Variants in SPAG16 observed in about 807,000 individuals in gnomAD.
SPAG16 encodes sperm-associated antigen 16 protein.
Under a neutral mutation model 80.4 loss-of-function variants are expected in SPAG16, and 86 were observed. The observed-to-expected ratio is 1.07, with a 90% CI of 0.90 to 1.28. The LOEUF is 1.28. Among genes scored for constraint, SPAG16 ranks in the 50% most tolerant of loss-of-function variants. SPAG16 has a pLI of 0.00. For missense variants in SPAG16, 870 were observed against 765.3 expected (o/e 1.14, Z -1.61); for synonymous variants, 294 against 265.9 (o/e 1.11, Z -1.03).
intron 1 of SPAG16, among the ~76,000 whole-genome samples, chr2:213,295,556 T>C (rs1015644365): frequency 3.9e-5 from 6 of 152,112 alleles, no homozygotes; most frequent in Non-Finnish European, 1.5e-5. Flanking sequence ...AGCATTGATA[T>C]GTGTTTTTTT....
chr2:213,998,198 A>C (rs924150604), intron 12 of SPAG16, among the ~76,000 whole-genome samples: 2 of 152,184 alleles, frequency 1.3e-5, no homozygotes, highest in East Asian at 1.9e-4. Context: ...AGGATACTGC[A>C]TTGAGGGTTA....
At chr2:213,500,907 G>T (rs926936855) in intron 10 of SPAG16, among the ~76,000 whole-genome samples, 2 of 152,208 alleles carry the variant, frequency 1.3e-5, no homozygotes, top group African/African-American at 4.8e-5. Flanking sequence ...AAAGGGATAA[G>T]AAAGTTGAAA....
chr2:214,354,623 A>G (rs1286341378), intron 15 of SPAG16, among the ~76,000 whole-genome samples: 2 of 151,890 alleles, frequency 1.3e-5, no homozygotes, highest in Admixed American at 6.6e-5. Context: ...GATTCTTCCT[A>G]CCCATGAGCA....
At chr2:213,886,770 C>A (rs2076571940) in intron 11 of SPAG16, among the ~76,000 whole-genome samples, 1 of 151,450 alleles carries the variant, frequency 6.6e-6, no homozygotes. Flanking sequence ...CAAATTTTTC[C>A]AACCAAAAAA....
chr2:214,290,178 T>A lies in SPAG16; in HGVS notation c.1721-119962T>A, dbSNP rs143407801. 2.0e-3 allele frequency among the ~76,000 whole-genome samples: 306 copies of A among 152,318 alleles called. 4 individuals are homozygous for A. Among genetic ancestry groups the A allele is most frequent in the African/African-American group, 7.0e-3 (290 of 41,572 alleles). ...GTATGTTGTGAGGAATTCATCCATT[T>A]CTTCTAGGTTTTCCAGTATTTTAGC... is the stretch of plus-strand genomic sequence containing the variant. On this transcript the variant is annotated intron_variant, in intron 15 of 15. Coordinates refer to ENST00000331683, the MANE Select transcript of SPAG16 (RefSeq NM_024532.5).
At position 214,221,796 on chromosome 2, in the gene SPAG16, A is replaced by G. The variant is rs940957976; in HGVS notation, c.1720+72530A>G. Among the ~76,000 whole-genome samples, 5 of 152,182 alleles carry G rather than the reference A, an allele frequency of 3.3e-5. No homozygotes were observed. The East Asian group carries it at 9.6e-4, about 29-fold the overall frequency. ...TTCGTGTTTTCACTTTAGCATTTCA[A>G]TTACATGCTTGTTAGTGTACATTCT... On this transcript the variant is annotated intron_variant, in intron 15 of 15. Transcript: ENST00000331683.
intron 10 of SPAG16, among the ~76,000 whole-genome samples, chr2:213,637,537 C>T (rs990636624): frequency 6.6e-6 from 1 of 152,060 alleles, no homozygotes; most frequent in East Asian, 1.9e-4. Context: ...CTTTGAATGT[C>T]GGATAGAATT....
intron 15 of SPAG16, among the ~76,000 whole-genome samples, chr2:214,354,440 C>A (rs1433811723): frequency 6.6e-6 from 1 of 152,090 alleles, no homozygotes; most frequent in Non-Finnish European, 1.5e-5. Flanking sequence ...CATGATGCCT[C>A]CAGCTTTGTT....
At chr2:213,919,817 C>A (rs897432607) in intron 11 of SPAG16, among the ~76,000 whole-genome samples, 2 of 152,004 alleles carry the variant, frequency 1.3e-5, no homozygotes, top group African/African-American at 4.8e-5. Flanking sequence ...TCCTTTTGAT[C>A]CAGTGCTCAG....
chr2:214,181,985 T>C (rs1425911448), intron 15 of SPAG16, among the ~76,000 whole-genome samples: 1 of 151,772 alleles, frequency 6.6e-6, no homozygotes, highest in Non-Finnish European at 1.5e-5. Context: ...ACAAACTCAT[T>C]GAGAACAGAA....
intron 10 of SPAG16, among the ~76,000 whole-genome samples, chr2:213,705,027 C>T (rs1337882540): frequency 6.6e-6 from 1 of 151,858 alleles, no homozygotes; most frequent in Non-Finnish European, 1.5e-5. Context: ...CGGAGGCAGG[C>T]GGATCATGAG....
chr2:213,540,211 T>A (rs964081141), intron 10 of SPAG16, among the ~76,000 whole-genome samples: 4 of 128,194 alleles, frequency 3.1e-5, no homozygotes, highest in African/African-American at 1.2e-4. Context: ...ATTTTTATTT[T>A]TTTATTTTTT....
chr2:213,292,393 G>A (rs1032682998), intron 1 of SPAG16, among the ~76,000 whole-genome samples: 3 of 152,004 alleles, frequency 2.0e-5, no homozygotes, highest in African/African-American at 4.8e-5. Context: ...GGCCGGGTGC[G>A]GTGGCTCACG....
chr2:213,559,486 AT>A (rs1348438592), intron 10 of SPAG16, among the ~76,000 whole-genome samples: 7 of 152,190 alleles, frequency 4.6e-5, no homozygotes, highest in Admixed American at 4.6e-4. Flanking sequence ...ATTGCATAAA[AT>A]TATGCTTGCT....
chr2:213,393,033 T>C (rs1290951121), intron 9 of SPAG16, among the ~76,000 whole-genome samples: 2 of 152,148 alleles, frequency 1.3e-5, no homozygotes, highest in African/African-American at 4.8e-5. Context: ...ATACTTACAT[T>C]ATTACACTAA....
At chr2:213,313,303 T>C (rs1351299200) in intron 4 of SPAG16, among the ~76,000 whole-genome samples, 1 of 151,948 alleles carries the variant, frequency 6.6e-6, no homozygotes, top group African/African-American at 2.4e-5. Flanking sequence ...ATAACATGTT[T>C]ATTAAATATG....
At chr2:214,160,264 TAGTGTA>T (rs1382649503) in intron 15 of SPAG16, among the ~76,000 whole-genome samples, 2 of 151,990 alleles carry the variant, frequency 1.3e-5, no homozygotes, top group African/African-American at 4.8e-5. Context: ...ACTCAGTAAT[TAGTGTA>T]AGTTTTGATT....
At chr2:213,858,654 C>T (rs1187575191) in intron 10 of SPAG16, among the ~76,000 whole-genome samples, 1 of 152,050 alleles carries the variant, frequency 6.6e-6, no homozygotes, top group African/African-American at 2.4e-5. Context: ...GTATTATAGC[C>T]ATTGAATGAA....
At chr2:214,330,112 G>GAA (rs5838429) in intron 15 of SPAG16, among the ~76,000 whole-genome samples, 69 of 139,934 alleles carry the variant, frequency 4.9e-4, no homozygotes, top group East Asian at 1.9e-3. Context: ...ACCAAAAATA[G>GAA]AAAAAAAAAA....
Sources: allele counts gnomAD v4.1 joint callset (sites outside exome capture counted in the v4.1 genomes callset), GRCh38; gene constraint gnomAD v4.1.1; transcripts MANE v1.5; gene names NCBI Gene and HGNC (gene_info 2026-07-23, HGNC 2026-07-21).